NFKBIL1: variants seen among roughly 807,000 people sequenced by gnomAD.
NFKBIL1 encodes NFKB inhibitor like 1.
NFKBIL1 carries 30 observed loss-of-function variants against 45.4 expected under a neutral mutation model. That is an observed-to-expected ratio of 0.66 (90% CI 0.49 to 0.90). The LOEUF is 0.90. Among genes scored for constraint, NFKBIL1 ranks in the 40% least tolerant of loss-of-function variants. The pLI, the probability that NFKBIL1 is intolerant of heterozygous loss-of-function variation, is 0.00. For missense variants in NFKBIL1, 434 were observed against 513.4 expected, an observed-to-expected ratio of 0.85 and a Z score of 1.49; for synonymous variants, 179 against 197.3, an observed-to-expected ratio of 0.91 and a Z score of 0.78.
At position 31,557,554 on chromosome 6, in the gene NFKBIL1, A is replaced by C; in HGVS notation, c.335-74A>C. On this transcript the variant is annotated intron_variant, in intron 2 of 3. Transcript: ENST00000376148. This position sits in a 1 kb window ranked among gnomAD's most constrained non-coding sequence, Gnocchi z 5.4. ...AAGACCAAGGGAGCGAGTGACCAGC[A>C]GGATTCAAGATGGCAGCTCTGCCGA... The C allele has an allele frequency of 8.1e-7, 1 of 1,237,284 alleles. No individual in the cohort carries two copies. The highest frequency in any genetic ancestry group is 1.7e-5 in the South Asian group (1 of 57,806). 76.6% of individuals were successfully genotyped at this position (1,237,284 alleles called of 1,614,324 possible). A position where few individuals can be genotyped will look rare whatever the true frequency, so the allele number is the denominator to read the frequency against.
chr6:31,553,068 G>A (rs1458723862), intron 2 of NFKBIL1, among the ~76,000 whole-genome samples: 1 of 142,418 alleles, frequency 7.0e-6, no homozygotes, highest in Non-Finnish European at 1.5e-5. Flanking sequence ...CCGAGACAGA[G>A]TCTCGCTGTG....
chr6:31,548,812 G>T (rs1484106264), intron 2 of NFKBIL1, among the ~76,000 whole-genome samples: 4 of 152,176 alleles, frequency 2.6e-5, no homozygotes, highest in Non-Finnish European at 4.4e-5. Context: ...CGTATTCTTG[G>T]ACAGGTTACT....
chr6:31,552,512 C>T (rs999160092), intron 2 of NFKBIL1, among the ~76,000 whole-genome samples: 4 of 151,802 alleles, frequency 2.6e-5, no homozygotes, highest in Non-Finnish European at 4.4e-5. Context: ...TGGTCTCGAT[C>T]TCTTGACCTT....
At chr6:31,551,958 G>A (rs1433666903) in intron 2 of NFKBIL1, among the ~76,000 whole-genome samples, 3 of 151,996 alleles carry the variant, frequency 2.0e-5, no homozygotes, top group South Asian at 2.1e-4. Flanking sequence ...CACCATGCCC[G>A]ACTAACTTTT....
Position 31,548,428 on chromosome 6 carries a change from A to G in NFKBIL1, c.323A>G (p.Gln108Arg), listed in dbSNP as rs1260766019. The part of the protein sequence containing the change: ...GDTALHAAAR[Q>R]GPDAYTDFFL... ...ACGGCACTGCATGCTGCTGCCCGCC[A>G]GGGCCCAGATGGTGAGTCTGCTCAG... Residue 108 changes from glutamine to arginine, a missense_variant, in exon 2 of 4, where the codon CAG becomes CGG. Coordinates refer to ENST00000376148, the MANE Select transcript of NFKBIL1 (RefSeq NM_005007.4). The G allele has an allele frequency of 6.6e-7, 1 of 1,507,346 alleles. No homozygotes were observed. The highest frequency in any genetic ancestry group is 8.8e-7 in the Non-Finnish European group (1 of 1,134,044). 93.4% of individuals were successfully genotyped at this position (1,507,346 alleles called of 1,614,324 possible). A position where few individuals can be genotyped will look rare whatever the true frequency, so the allele number is the denominator to read the frequency against.
intron 2 of NFKBIL1, among the ~76,000 whole-genome samples, chr6:31,554,816 T>A (rs1769625548): frequency 6.6e-6 from 1 of 152,228 alleles, no homozygotes; most frequent in Non-Finnish European, 1.5e-5. Flanking sequence ...GCTGAACATT[T>A]TTTGAAACAA....
chr6:31,552,147 G>A lies in NFKBIL1; in HGVS notation c.334+3708G>A, dbSNP rs1237353969. Among the ~76,000 whole-genome samples, 3 of 152,306 alleles carry A rather than the reference G, an allele frequency of 2.0e-5. No individual in the cohort carries two copies. In the East Asian group the frequency reaches 5.8e-4, roughly 29 times the overall value. ...GGGGTTTCAACATGTTGGCCAGGCT[G>A]GTCTCAAACTCCTGACCTCAAGTGA... On this transcript the variant is annotated intron_variant, in intron 2 of 3. Coordinates refer to ENST00000376148, the MANE Select transcript of NFKBIL1 (RefSeq NM_005007.4).
Position 31,557,002 on chromosome 6 carries a change from A to G in NFKBIL1, c.335-626A>G, listed in dbSNP as rs1397391143. 2.0e-5 allele frequency among the ~76,000 whole-genome samples: 3 copies of G among 152,228 alleles called. No individual in the cohort carries two copies. The highest frequency in any genetic ancestry group is 7.2e-5 in the African/African-American group (3 of 41,472). On this transcript the variant is annotated intron_variant, in intron 2 of 3. Transcript: ENST00000376148. The surrounding 1 kb of genome is among the most constrained non-coding windows in gnomAD (Gnocchi z 5.4). ...AGTGAAAAGTGGAATACATAGTCAA[A>G]GAATTTGGGCACTGCCTTGGTGGCT...
chr6:31,548,044 T>C, intron 1 of NFKBIL1, 119 bp from the exon 2 acceptor site: 1 of 1,369,330 alleles, frequency 7.3e-7, no homozygotes, highest in Non-Finnish European at 1.0e-6. Context: ...CCTCATCTCT[T>C]GCTGAAGATA....
At chr6:31,551,590 A>C (rs900460437) in intron 2 of NFKBIL1, among the ~76,000 whole-genome samples, 1 of 151,396 alleles carries the variant, frequency 6.6e-6, no homozygotes, top group Non-Finnish European at 1.5e-5. Context: ...TTCAGCTTCC[A>C]GCTTCCTTTT....
chr6:31,547,602 C>G (rs1298590614), upstream of NFKBIL1: 1 of 828,614 alleles, frequency 1.2e-6, no homozygotes, highest in East Asian at 2.7e-5. Context: ...CCTGGAGTGT[C>G]TCCGCCCTTC....
Position 31,548,398 on chromosome 6 carries a change from G to C in NFKBIL1, c.293G>C (p.Gly98Ala). 6.5e-7 allele frequency: 1 copy of C among 1,543,270 alleles called. No individual in the cohort carries two copies. Among genetic ancestry groups the C allele is most frequent in the East Asian group, 2.3e-5 (1 of 44,220 alleles). Residue 98 changes from glycine (G) to alanine (A), a missense_variant, in exon 2 of 4, where the codon GGG becomes GCG. Around this residue, in one of 4 missense-constraint regions of NFKBIL1, gnomAD observed 231 missense variants for 264.1 expected, o/e 0.87. Transcript: ENST00000376148. ...GACCCTGCCCACCAGGACCGCCATG[G>C]GGACACGGCACTGCATGCTGCTGCC... ...GADPAHQDRHGDTALHAAARQ... is the reference protein window; with the variant it reads ...GADPAHQDRHADTALHAAARQ...
intron 2 of NFKBIL1, among the ~76,000 whole-genome samples, chr6:31,552,357 C>T (rs1769475810): frequency 6.6e-6 from 1 of 152,126 alleles, no homozygotes; most frequent in African/African-American, 2.4e-5. Context: ...ACTGCAACCT[C>T]CACCTCCCAG....
rs1307772482 is a variant in NFKBIL1, at chr6:31,558,684, T to C, written c.*73T>C. On this transcript the variant is annotated 3_prime_UTR_variant, in exon 4 of 4. Coordinates refer to ENST00000376148, the MANE Select transcript of NFKBIL1 (RefSeq NM_005007.4). The surrounding 1 kb of genome is among the most constrained non-coding windows in gnomAD (Gnocchi z 7.2). ...GCAGAAGGAAGGGTAAGGGAAAGGA[T>C]GGGGACCACAAGGAAGAGCCAGGTG... is the stretch of plus-strand genomic sequence containing the variant. 2 of 1,322,198 alleles carry C rather than the reference T, an allele frequency of 1.5e-6. No individual in the cohort carries two copies. Among genetic ancestry groups the C allele is most frequent in the African/African-American group, 1.5e-5 (1 of 66,880 alleles). 81.9% of individuals were successfully genotyped at this position (1,322,198 alleles called of 1,614,324 possible).
upstream of NFKBIL1, chr6:31,547,548 C>G (rs1769121080): frequency 3.7e-6 from 2 of 540,908 alleles, no homozygotes; most frequent in East Asian, 3.2e-5. Context: ...TCACAGTTCA[C>G]TTCCGTCCTC....
chr6:31,558,106 A>C lies in NFKBIL1; in HGVS notation c.641A>C (p.Gln214Pro), dbSNP rs973439667. The C allele has an allele frequency of 6.2e-7, 1 of 1,607,740 alleles. No individual in the cohort carries two copies. The highest frequency in any genetic ancestry group is 1.7e-5 in the Admixed American group (1 of 59,724). ...GCCCGGGAACATGCCCAGAAGTGCC[A>C]GCAGCAGCAGCGAGAAGCAGAGGGA... ...RLAREHAQKC[Q>P]QQQREAEGSR... The change falls in exon 4 of 4, where the codon CAG (glutamine) becomes CCG (proline). Residue 214 changes from glutamine (Q) to proline (P), a missense_variant. Coordinates refer to ENST00000376148, the MANE Select transcript of NFKBIL1 (RefSeq NM_005007.4). This position sits in a 1 kb window ranked among gnomAD's most constrained non-coding sequence, Gnocchi z 7.2.
In NFKBIL1 at chr6:31,557,360, G is replaced by A. The variant is rs536875809; in HGVS notation, c.335-268G>A. On this transcript the variant is annotated intron_variant, in intron 2 of 3. Coordinates refer to ENST00000376148, the MANE Select transcript of NFKBIL1 (RefSeq NM_005007.4). This position sits in a 1 kb window ranked among gnomAD's most constrained non-coding sequence, Gnocchi z 5.4. ...CCTGACCTCGTGATCCGCCCGCCTC[G>A]GACTCCCAAAGTGCTGGGATTACAG... is the stretch of plus-strand genomic sequence containing the variant. Among the ~76,000 whole-genome samples, 3 of 152,188 alleles carry A rather than the reference G, an allele frequency of 2.0e-5. No individual in the cohort carries two copies. Among genetic ancestry groups the A allele is most frequent in the South Asian group, 2.1e-4 (1 of 4,822 alleles).
At position 31,547,745 on chromosome 6, in the gene NFKBIL1, C is replaced by G; in HGVS notation, c.51C>G (p.Val17=). The G allele has an allele frequency of 2.5e-6, 4 of 1,610,862 alleles. No individual in the cohort carries two copies. Among genetic ancestry groups the G allele is most frequent in the Non-Finnish European group, 3.4e-6 (4 of 1,178,154 alleles). ...CAGAGGAAGAAGCCTCCACATCTGTCTGCCGGGTACATGATATTCAATTTC... is the reference window on the plus strand; with the variant it reads ...CAGAGGAAGAAGCCTCCACATCTGTGTGCCGGGTACATGATATTCAATTTC... ...QVPEEEASTS[V]CRPKSSMAST... The change falls in exon 1 of 4, where the codon GTC becomes GTG. Residue 17 remains valine (V), a synonymous_variant. Transcript: ENST00000376148.
In NFKBIL1 at chr6:31,558,602, C is replaced by T. The variant is rs1257566720; in HGVS notation, c.1137C>T (p.Ala379=). The T allele has an allele frequency of 3.3e-5, 51 of 1,549,618 alleles. No individual in the cohort carries two copies. Among genetic ancestry groups the T allele is most frequent in the Non-Finnish European group, 4.3e-5 (49 of 1,145,178 alleles). The change falls in exon 4 of 4, where the codon GCC becomes GCT. Residue 379 remains alanine, a synonymous_variant. Transcript: ENST00000376148. The surrounding 1 kb of genome is among the most constrained non-coding windows in gnomAD (Gnocchi z 7.2). ...AGGCCCTGAATCGCCATGCAGAGGC[C>T]CTCAAGTGACCCTAGGGAAGAAGCA... is the stretch of plus-strand genomic sequence containing the variant. ...LSQALNRHAE[A]LK
Sources: gnomAD v4.1 joint callset for allele counts (sites outside exome capture counted in the v4.1 genomes callset) on GRCh38, gnomAD v4.1.1 for gene constraint, gnomAD v4.1.1 regional missense constraint, Gnocchi (gnomAD v3.1) non-coding constraint, MANE v1.5 for transcripts, NCBI Gene and HGNC (gene_info 2026-07-23, HGNC 2026-07-21) for gene names.